Variants in CNTNAP2 observed in about 807,000 individuals in gnomAD.
CNTNAP2 encodes contactin-associated protein-like 2.
CNTNAP2 carries 98 observed loss-of-function variants against 155.2 expected under a neutral mutation model. The observed-to-expected ratio is 0.63, with a 90% CI of 0.54 to 0.75. The LOEUF (loss-of-function observed/expected upper bound fraction) is 0.75, where lower values mean the gene tolerates loss of function less well. Among genes scored for constraint, CNTNAP2 ranks in the 30% least tolerant of loss-of-function variants. CNTNAP2 has a pLI of 0.00. For synonymous variants in CNTNAP2, 651 were observed against 631.2 expected, an observed-to-expected ratio of 1.03 and a Z score of -0.47; for missense variants, 1,727 against 1,688.1, an observed-to-expected ratio of 1.02 and a Z score of -0.40.
chr7:146,925,292 G>A (rs1056674022), intron 3 of CNTNAP2, among the ~76,000 whole-genome samples: 1 of 151,918 alleles, frequency 6.6e-6, no homozygotes, highest in Non-Finnish European at 1.5e-5. Context: ...TTCAAAATGA[G>A]TTTCAATAAA....
intron 1 of CNTNAP2, among the ~76,000 whole-genome samples, chr7:146,464,265 T>A (rs911389669): frequency 1.2e-4 from 18 of 144,774 alleles, no homozygotes; most frequent in African/African-American, 4.1e-4. Flanking sequence ...ACCCTGTCAA[T>A]AGAAGTAAAG....
chr7:148,059,462 A>T (rs1803089081), intron 15 of CNTNAP2, among the ~76,000 whole-genome samples: 1 of 151,824 alleles, frequency 6.6e-6, no homozygotes, highest in Non-Finnish European at 1.5e-5. Context: ...GTGGTGGTGC[A>T]TGCCTGTAAT....
chr7:146,141,806 A>G (rs562022360), intron 1 of CNTNAP2, among the ~76,000 whole-genome samples: 175 of 152,298 alleles, frequency 1.1e-3, no homozygotes, highest in African/African-American at 3.8e-3. Context: ...ATCATTCCAT[A>G]TAAGAAAAAT....
intron 10 of CNTNAP2, among the ~76,000 whole-genome samples, chr7:147,435,432 A>G (rs1797534147): frequency 1.3e-5 from 2 of 152,184 alleles, no homozygotes; most frequent in Admixed American, 6.5e-5. Context: ...TAACCAGGTG[A>G]TACTGACCAC....
intron 1 of CNTNAP2, among the ~76,000 whole-genome samples, chr7:146,475,241 T>C (rs1392526195): frequency 6.6e-6 from 1 of 152,190 alleles, no homozygotes; most frequent in Non-Finnish European, 1.5e-5. Context: ...GGTTCAGGTT[T>C]CTAACAGGTC....
chr7:147,732,157 A>C (rs1327928841), intron 13 of CNTNAP2, among the ~76,000 whole-genome samples: 1 of 150,634 alleles, frequency 6.6e-6, no homozygotes, highest in Non-Finnish European at 1.5e-5. Context: ...CATTTACATT[A>C]GGTATATCTC....
rs1325032624 is a variant in CNTNAP2, at chr7:147,364,892, G to A, written c.1499-30717G>A. 2.0e-5 allele frequency among the ~76,000 whole-genome samples: 3 copies of A among 151,840 alleles called. No homozygotes were observed. In the South Asian group the frequency reaches 6.2e-4, roughly 32 times the overall value. ...TCCTAGCCATGTTAAAAATTACTTTGGCGTTTTAAAAATGTTTAATTTTGA... is the reference window on the plus strand; with the variant it reads ...TCCTAGCCATGTTAAAAATTACTTTAGCGTTTTAAAAATGTTTAATTTTGA... On this transcript the variant is annotated intron_variant, in intron 9 of 23. Coordinates refer to ENST00000361727, the MANE Select transcript of CNTNAP2 (RefSeq NM_014141.6).
chr7:147,562,102 G>A lies in CNTNAP2; in HGVS notation c.1778-36G>A. The A allele has an allele frequency of 3.7e-6, 6 of 1,613,326 alleles. No individual in the cohort carries two copies. The South Asian group carries it at 5.5e-5, about 15-fold the overall frequency. On this transcript the variant is annotated intron_variant, in intron 11 of 23. Transcript: ENST00000361727. ...ATTTATCTGGGGAGCCATTTGTTCT[G>A]TGCTGTGCTTATGTAGGATATTTTG...
intron 1 of CNTNAP2, among the ~76,000 whole-genome samples, chr7:146,171,899 A>G (rs1204465382): frequency 1.3e-5 from 2 of 152,060 alleles, no homozygotes; most frequent in Admixed American, 1.3e-4. Context: ...ATTTCATGTC[A>G]TTAATTCAGC....
intron 5 of CNTNAP2, among the ~76,000 whole-genome samples, chr7:147,116,921 C>T (rs1801003176): frequency 6.6e-6 from 1 of 152,228 alleles, no homozygotes; most frequent in South Asian, 2.1e-4. Flanking sequence ...CTCCAAAGCC[C>T]ACAGGCTGCA....
chr7:148,279,493 C>A (rs1014687890), intron 21 of CNTNAP2, among the ~76,000 whole-genome samples: 4 of 152,134 alleles, frequency 2.6e-5, no homozygotes, highest in African/African-American at 9.7e-5. Flanking sequence ...AATGAGGTAC[C>A]CTGGGAGAGA....
chr7:147,221,344 C>T (rs1803395203), intron 8 of CNTNAP2, among the ~76,000 whole-genome samples: 1 of 151,884 alleles, frequency 6.6e-6, no homozygotes, highest in Non-Finnish European at 1.5e-5. Flanking sequence ...GCTCAGAAAC[C>T]AACACAAGAT....
intron 1 of CNTNAP2, among the ~76,000 whole-genome samples, chr7:146,658,726 C>A (rs1800035245): frequency 6.6e-6 from 1 of 152,176 alleles, no homozygotes; most frequent in Non-Finnish European, 1.5e-5. Context: ...ATTCTCATGA[C>A]TGATCCAGTG....
chr7:147,367,411 T>G (rs1039632692), intron 9 of CNTNAP2, among the ~76,000 whole-genome samples: 7 of 152,196 alleles, frequency 4.6e-5, no homozygotes, highest in African/African-American at 1.7e-4. Flanking sequence ...AAAAGTTGTA[T>G]GACCAGATGG....
intron 2 of CNTNAP2, among the ~76,000 whole-genome samples, chr7:146,828,579 C>G (rs948520584): frequency 5.3e-4 from 80 of 152,032 alleles, no homozygotes; most frequent in African/African-American, 1.9e-3. Context: ...TGACATCTGA[C>G]TACCTGCATG....
rs753350848 is a variant in CNTNAP2 at position 147,395,787 on chromosome 7, G to T, written c.1670+7G>T. 3 of 1,611,442 alleles carry T rather than the reference G, an allele frequency of 1.9e-6. No homozygotes were observed. Among genetic ancestry groups the T allele is most frequent in the East Asian group, 2.2e-5 (1 of 44,830 alleles). On this transcript the variant is annotated splice_region_variant and intron_variant, in intron 10 of 23. Coordinates refer to ENST00000361727, the MANE Select transcript of CNTNAP2 (RefSeq NM_014141.6). ...TGTGTGCGATCATAGACAGGTAAATGATCTTTTCATCCTACCTCACGTTGT... is the reference window on the plus strand; with the variant it reads ...TGTGTGCGATCATAGACAGGTAAATTATCTTTTCATCCTACCTCACGTTGT...
At chr7:146,142,740 G>A (rs183645547) in intron 1 of CNTNAP2, among the ~76,000 whole-genome samples, 15 of 152,138 alleles carry the variant, frequency 9.9e-5, no homozygotes, top group Admixed American at 9.2e-4. Context: ...TACATCTTTT[G>A]GTTTATGGTA....
At chr7:147,873,178 C>A (rs1799357987) in intron 13 of CNTNAP2, among the ~76,000 whole-genome samples, 1 of 152,140 alleles carries the variant, frequency 6.6e-6, no homozygotes, top group Non-Finnish European at 1.5e-5. Context: ...TAACTGGACT[C>A]CTTACCACTA....
intron 21 of CNTNAP2, among the ~76,000 whole-genome samples, chr7:148,279,962 G>T (rs1796942954): frequency 6.6e-6 from 1 of 152,148 alleles, no homozygotes; most frequent in Admixed American, 6.6e-5. Context: ...AGTGCCAAGG[G>T]TTAGTGACTA....
Sources: gnomAD v4.1 joint callset for allele counts (sites outside exome capture counted in the v4.1 genomes callset) on GRCh38, gnomAD v4.1.1 for gene constraint, MANE v1.5 for transcripts, NCBI Gene and HGNC (gene_info 2026-07-23, HGNC 2026-07-21) for gene names.